AP4E1: variants seen among roughly 807,000 people sequenced by gnomAD.
AP4E1 encodes AP-4 complex subunit epsilon-1.
AP4E1 carries 56 observed loss-of-function variants against 128.2 expected under a neutral mutation model. The ratio of observed to expected loss-of-function variants is 0.44; its 90% CI spans 0.35 to 0.55. The LOEUF (loss-of-function observed/expected upper bound fraction) is 0.55, where lower values mean the gene tolerates loss of function less well. AP4E1 is among the 20% of genes least tolerant of loss of function. The pLI, the probability that AP4E1 is intolerant of heterozygous loss-of-function variation, is 0.00. For missense variants in AP4E1, 1,324 were observed against 1,307.7 expected (o/e 1.01, Z -0.19); for synonymous variants, 484 against 473.1 (o/e 1.02, Z -0.30).
intron 10 of AP4E1, chr15:50,945,486 A>G (rs2064046891): frequency 2.6e-6 from 2 of 762,618 alleles, no homozygotes; most frequent in Admixed American, 1.8e-5. Context: ...ACACTCCTGT[A>G]ATGTTCCATA....
At chr15:50,915,270 G>A (rs1481785394) in intron 2 of AP4E1, among the ~76,000 whole-genome samples, 178 bp from the exon 3 acceptor site, 2 of 152,176 alleles carry the variant, frequency 1.3e-5, no homozygotes, top group East Asian at 3.8e-4. Flanking sequence ...CTGTTGGTAA[G>A]TAAGATCAGG....
At chr15:50,979,046 A>G (rs2064600489) in intron 15 of AP4E1, among the ~76,000 whole-genome samples, 1 of 151,748 alleles carries the variant, frequency 6.6e-6, no homozygotes, top group African/African-American at 2.4e-5. Flanking sequence ...TATTCTCTCT[A>G]CTTTCAAACT....
At chr15:50,999,017 A>C (rs1309260265) in intron 18 of AP4E1, 55 bp from the exon 19 acceptor site, 1 of 1,512,346 alleles carries the variant, frequency 6.6e-7, no homozygotes, top group Non-Finnish European at 9.2e-7. Context: ...GTAGTCATGT[A>C]ATAGTCTGTA....
chr15:50,977,296 C>T (rs924805783), intron 15 of AP4E1, among the ~76,000 whole-genome samples: 2 of 152,136 alleles, frequency 1.3e-5, no homozygotes, highest in Non-Finnish European at 2.9e-5. Flanking sequence ...AGACTATTTC[C>T]TGGCACTGCC....
In AP4E1 at chr15:51,001,082, A is replaced by G. The variant is rs1472509442; in HGVS notation, c.3152A>G (p.Asp1051Gly). 1 of 1,613,580 alleles carries G rather than the reference A, an allele frequency of 6.2e-7. No homozygotes were observed. Residue 1051 changes from aspartate to glycine, a missense_variant, in exon 20 of 21, where the codon GAT becomes GGT. Asp to Gly is a moderately conservative substitution (Grantham distance 94). Transcript: ENST00000261842. ...FGKLWLSFAN[D>G]VKQNVKMSES... ...AAACTCTGGTTATCCTTCGCAAATG[A>G]TGTGAAACAAAATGTAAAAATGTCA...
At chr15:50,943,450 A>G (rs2064014603) in intron 10 of AP4E1, among the ~76,000 whole-genome samples, 1 of 152,110 alleles carries the variant, frequency 6.6e-6, no homozygotes, top group African/African-American at 2.4e-5. Flanking sequence ...TAGTCTGAAA[A>G]TTGTTACATG....
chr15:50,919,094 G>A (rs2063663026), intron 3 of AP4E1, among the ~76,000 whole-genome samples: 1 of 152,028 alleles, frequency 6.6e-6, no homozygotes, highest in East Asian at 1.9e-4. Flanking sequence ...GCCAGGCATG[G>A]TGGTGGGTGC....
intron 13 of AP4E1, among the ~76,000 whole-genome samples, chr15:50,957,262 G>C (rs1431892037): frequency 6.6e-6 from 1 of 152,138 alleles, no homozygotes; most frequent in Non-Finnish European, 1.5e-5. Flanking sequence ...GCTGACAGGG[G>C]GACTGGGGCA....
intron 13 of AP4E1, among the ~76,000 whole-genome samples, chr15:50,952,947 G>T (rs1295435599): frequency 1.3e-5 from 2 of 152,088 alleles, no homozygotes; most frequent in African/African-American, 2.4e-5. Context: ...ATGGTGGCCT[G>T]GTGCAGTGGT....
intron 15 of AP4E1, among the ~76,000 whole-genome samples, chr15:50,981,851 T>C (rs2064646102): frequency 6.6e-6 from 1 of 151,984 alleles, no homozygotes; most frequent in South Asian, 2.1e-4. Flanking sequence ...TTTGGGAGCC[T>C]GAAGCAGGTG....
rs113902779 is a variant in AP4E1, at chr15:50,955,731, C to G, written c.1549-2761C>G. 3.7e-3 allele frequency among the ~76,000 whole-genome samples: 558 copies of G among 152,314 alleles called. 1 individual carries two copies. Among genetic ancestry groups the G allele is most frequent in the African/African-American group, 0.013 (537 of 41,570 alleles). On this transcript the variant is annotated intron_variant, in intron 13 of 20. Coordinates refer to ENST00000261842, the MANE Select transcript of AP4E1 (RefSeq NM_007347.5). The stretch of plus-strand genomic sequence containing the variant: ...GTGCAGGCTCCCTGCCTAGTCTCCA[C>G]TGACACTGCAGGGGAGTAGGCCTCT...
At position 50,948,020 on chromosome 15, in the gene AP4E1, A is replaced by G. The variant is rs766528816; in HGVS notation, c.1177A>G (p.Thr393Ala). Residue 393 changes from threonine (T) to alanine (A), a missense_variant and splice_region_variant, in exon 11 of 21, where the codon ACT becomes GCT. Thr to Ala is a moderately conservative substitution (Grantham distance 58). Coordinates refer to ENST00000261842, the MANE Select transcript of AP4E1 (RefSeq NM_007347.5). ...DHPDPIIKRE[T>A]LELLYRITNA... Reference sequence around the variant, plus strand: ...TTTTTAATTTTTCTTCTTTAAATAGACTCTGGAACTTCTTTACAGAATTAC... The same window carrying G: ...TTTTTAATTTTTCTTCTTTAAATAGGCTCTGGAACTTCTTTACAGAATTAC... The G allele has an allele frequency of 6.3e-7, 1 of 1,592,646 alleles. No homozygotes were observed. Among genetic ancestry groups the G allele is most frequent in the South Asian group, 1.1e-5 (1 of 90,562 alleles).
At chr15:50,998,930 G>C in intron 18 of AP4E1, 142 bp from the exon 19 acceptor site, 1 of 730,916 alleles carries the variant, frequency 1.4e-6, no homozygotes, top group Non-Finnish European at 2.3e-6. Context: ...GAAGTTGCCA[G>C]TCATCTTCAT....
Position 51,001,132 on chromosome 15 carries a change from G to T in AP4E1, c.3202G>T (p.Ala1068Ser), listed in dbSNP as rs776916843. The T allele has an allele frequency of 6.2e-7, 1 of 1,613,598 alleles. No individual in the cohort carries two copies. The highest frequency in any genetic ancestry group is 1.7e-5 in the Admixed American group (1 of 60,004). Residue 1068 changes from alanine to serine, a missense_variant, in exon 20 of 21, where the codon GCA (alanine) becomes TCA (serine). Transcript: ENST00000261842. Reference protein sequence around the residue: ...MSESQAALPSALKTLQQKLRL... With the variant: ...MSESQAALPSSLKTLQQKLRL... ...AGAATCTCAAGCTGCACTTCCTTCT[G>T]CACTAAAGACTCTGCAACAGAAACT...
rs942996228 is a variant in AP4E1 at position 51,004,986 on chromosome 15, C to T, written c.*2324C>T. On this transcript the variant is annotated 3_prime_UTR_variant, in exon 21 of 21. Coordinates refer to ENST00000261842, the MANE Select transcript of AP4E1 (RefSeq NM_007347.5). ...GCAACCTCTGCCTCCCAGGTTCAAG[C>T]GATTCTCCTGCCTCAGCCTCCCTAG... is the stretch of plus-strand genomic sequence containing the variant. 1.8e-4 allele frequency: 28 copies of T among 152,568 alleles called. No homozygotes were observed. In the East Asian group the frequency reaches 2.1e-3, roughly 12 times the overall value. The allele number at this position is 152,568 out of a possible 1,614,324, so 9.5% of individuals were successfully genotyped here. A position where few individuals can be genotyped will look rare whatever the true frequency, so the allele number is the denominator to read the frequency against.
chr15:50,968,378 G>GTAAT lies in AP4E1; in HGVS notation c.1966+3_1966+6dup, dbSNP rs760221045. 1.2e-4 allele frequency: 189 copies of GTAAT among 1,605,122 alleles called. 1 individual carries two copies. Among genetic ancestry groups the GTAAT allele is most frequent in the Non-Finnish European group, 1.4e-4 (170 of 1,173,160 alleles). On this transcript the variant is annotated splice_donor_variant, in intron 15 of 20. Transcript: ENST00000261842. LOFTEE classifies it high-confidence loss of function. ...GAGGAAAAGCTTTCTCAGGAAAAAG[G>GTAAT]TAATTTTTCATGGATTTATGATAAG...
At chr15:50,938,578 C>T (rs2063940526) in intron 8 of AP4E1, among the ~76,000 whole-genome samples, 2 of 152,094 alleles carry the variant, frequency 1.3e-5, no homozygotes, top group South Asian at 4.1e-4. Flanking sequence ...CTTGGGAAGT[C>T]TGGATTTTTC....
chr15:50,920,080 A>C (rs1458093828), intron 3 of AP4E1, among the ~76,000 whole-genome samples: 12 of 149,388 alleles, frequency 8.0e-5, no homozygotes, highest in Admixed American at 4.0e-4. Flanking sequence ...ATGTCTAAAA[A>C]AAAAAAAAAA....
chr15:50,964,474 T>A (rs991042429), intron 14 of AP4E1, among the ~76,000 whole-genome samples: 2 of 152,068 alleles, frequency 1.3e-5, no homozygotes, highest in African/African-American at 2.4e-5. Flanking sequence ...ATTTTATATA[T>A]TTCCTTTTTT....
Sources: gnomAD v4.1 joint callset for allele counts (sites outside exome capture counted in the v4.1 genomes callset) on GRCh38, gnomAD v4.1.1 for gene constraint, MANE v1.5 for transcripts, NCBI Gene and HGNC (gene_info 2026-07-23, HGNC 2026-07-21) for gene names.